Variants in RBFOX1 observed in about 807,000 individuals in gnomAD.
RBFOX1 encodes RNA binding protein fox-1 homolog 1.
RBFOX1 carries 8 observed loss-of-function variants against 57.7 expected under a neutral mutation model. That is an observed-to-expected ratio of 0.14 (90% CI 0.08 to 0.25). RBFOX1 has a LOEUF of 0.25. RBFOX1 is among the 10% of genes least tolerant of loss of function. The pLI is 1.00. For missense variants in RBFOX1, 611 were observed against 548.5 expected (o/e 1.11, Z -1.14); for synonymous variants, 326 against 222.4 (o/e 1.47, Z -4.15).
intron 3 of RBFOX1, among the ~76,000 whole-genome samples, chr16:7,029,944 G>A (rs557122176): frequency 4.6e-5 from 7 of 152,328 alleles, no homozygotes; most frequent in African/African-American, 1.7e-4. Context: ...GAATGGGGTA[G>A]ACACATGATG....
At chr16:6,657,257 A>G (rs1216762950) in intron 3 of RBFOX1, among the ~76,000 whole-genome samples, 1 of 151,336 alleles carries the variant, frequency 6.6e-6, no homozygotes, top group Non-Finnish European at 1.5e-5. Flanking sequence ...ATTCCCAGTA[A>G]TACAGTGAAT....
At chr16:7,645,775 G>C (rs563241854) in intron 11 of RBFOX1, among the ~76,000 whole-genome samples, 2 of 152,208 alleles carry the variant, frequency 1.3e-5, no homozygotes, top group Non-Finnish European at 2.9e-5. Context: ...CTAAACAGCA[G>C]TATTTAATAT....
At position 6,812,981 on chromosome 16, in the gene RBFOX1, C is replaced by T. The variant is rs1015270835; in HGVS notation, c.-16+158331C>T. ...TAAAGGAAGATGTTTAAATTCCCTA[C>T]TTCTCTCTTTTTTGTTAGATTTTTA... On this transcript the variant is annotated intron_variant, in intron 3 of 15. Transcript: ENST00000550418. 5.9e-5 allele frequency among the ~76,000 whole-genome samples: 9 copies of T among 152,194 alleles called. No individual in the cohort carries two copies. The East Asian group carries it at 1.4e-3, about 23-fold the overall frequency.
chr16:7,590,863 GAAAAAAAA>G (rs36061659), intron 7 of RBFOX1, among the ~76,000 whole-genome samples: 1,798 of 102,926 alleles, frequency 0.017, 22 homozygotes, highest in Non-Finnish European at 0.026. Flanking sequence ...CTGTCTCTAA[GAAAAAAAA>G]AAAAAAAAAA....
chr16:7,603,632 G>C (rs867637021), intron 9 of RBFOX1, among the ~76,000 whole-genome samples: 18 of 152,228 alleles, frequency 1.2e-4, no homozygotes, highest in Middle Eastern at 3.4e-3. Context: ...CAAGAAGAAG[G>C]AGAAGTGGAT....
At chr16:7,296,881 T>A (rs2095903770) in intron 4 of RBFOX1, among the ~76,000 whole-genome samples, 1 of 152,196 alleles carries the variant, frequency 6.6e-6, no homozygotes, top group South Asian at 2.1e-4. Context: ...TTGTGTCCCT[T>A]CCCTCTGCCC....
At chr16:6,189,452 G>A (rs1190148265) in intron 1 of RBFOX1, among the ~76,000 whole-genome samples, 1 of 152,198 alleles carries the variant, frequency 6.6e-6, no homozygotes, top group Non-Finnish European at 1.5e-5. Context: ...GAACTGTTGG[G>A]TTGCCGGGGC....
At chr16:7,469,844 C>A (rs1454234101) in intron 4 of RBFOX1, among the ~76,000 whole-genome samples, 1 of 152,142 alleles carries the variant, frequency 6.6e-6, no homozygotes, top group Admixed American at 6.5e-5. Context: ...TTTCATCCGT[C>A]CTGCTCGCAG....
intron 3 of RBFOX1, among the ~76,000 whole-genome samples, chr16:6,803,531 T>C (rs1260643811): frequency 6.6e-6 from 1 of 152,166 alleles, no homozygotes; most frequent in Non-Finnish European, 1.5e-5. Flanking sequence ...CCAGATTTCC[T>C]AAATGGAAAA....
intron 1 of RBFOX1, among the ~76,000 whole-genome samples, chr16:5,251,559 G>T (rs1327441012): frequency 2.6e-5 from 4 of 152,238 alleles, no homozygotes; most frequent in Non-Finnish European, 4.4e-5. Flanking sequence ...ACAGAGGAAA[G>T]AAGTGGGGCT....
chr16:6,940,276 C>T lies in RBFOX1; in HGVS notation c.-15-111781C>T, dbSNP rs186198095. 1.8e-3 allele frequency among the ~76,000 whole-genome samples: 267 copies of T among 152,294 alleles called. 2 individuals are homozygous for T. Among genetic ancestry groups the T allele is most frequent in the Admixed American group, 7.8e-3 (119 of 15,298 alleles). ...GGGGCTTGGGCATGAGTCCTTGTTG[C>T]TGCCCATATAGGAAGGGGCTGCTGT... is the stretch of plus-strand genomic sequence containing the variant. On this transcript the variant is annotated intron_variant, in intron 3 of 15. Coordinates refer to ENST00000550418, the MANE Select transcript of RBFOX1 (RefSeq NM_018723.4).
intron 4 of RBFOX1, among the ~76,000 whole-genome samples, chr16:7,113,531 T>G (rs2065233558): frequency 6.6e-6 from 1 of 152,170 alleles, no homozygotes; most frequent in African/African-American, 2.4e-5. Flanking sequence ...TTAGATGTAT[T>G]GTAACAGGAA....
intron 4 of RBFOX1, among the ~76,000 whole-genome samples, chr16:7,251,055 T>C (rs1466323147): frequency 6.6e-6 from 1 of 152,182 alleles, no homozygotes; most frequent in East Asian, 1.9e-4. Context: ...TTCAAGAACA[T>C]GATACATGTC....
rs1290847368 is a variant in RBFOX1, at chr16:5,816,198, C to G, written c.319-51105C>G. Among the ~76,000 whole-genome samples the G allele has an allele frequency of 2.0e-5, 3 of 152,168 alleles. No individual in the cohort carries two copies. The East Asian group carries it at 5.8e-4, about 29-fold the overall frequency. On this transcript the variant is annotated intron_variant, in intron 3 of 19. Transcript: ENST00000641259. Reference sequence around the variant, plus strand: ...CCTCATCCTTCATCTCTGCTACATCCTTAGGCTTGGAGGCACTGGGATTTC... The same window carrying G: ...CCTCATCCTTCATCTCTGCTACATCGTTAGGCTTGGAGGCACTGGGATTTC...
chr16:5,334,537 G>A (rs781680639), intron 1 of RBFOX1, among the ~76,000 whole-genome samples: 3 of 152,150 alleles, frequency 2.0e-5, no homozygotes, highest in Non-Finnish European at 4.4e-5. Context: ...AAAGGAAGAT[G>A]AAGAAGGAAC....
At chr16:6,555,587 C>T (rs1174719362) in intron 2 of RBFOX1, among the ~76,000 whole-genome samples, 1 of 152,024 alleles carries the variant, frequency 6.6e-6, no homozygotes, top group African/African-American at 2.4e-5. Flanking sequence ...GTAGTCCCAG[C>T]TACTCAGGAG....
intron 3 of RBFOX1, among the ~76,000 whole-genome samples, chr16:6,801,829 T>C (rs2085537409): frequency 6.6e-6 from 1 of 152,158 alleles, no homozygotes; most frequent in Admixed American, 6.5e-5. Context: ...CCTTCTAAGT[T>C]GTATGTCTAC....
intron 4 of RBFOX1, among the ~76,000 whole-genome samples, chr16:7,313,513 T>C (rs922545766): frequency 6.7e-6 from 1 of 148,664 alleles, no homozygotes; most frequent in Admixed American, 6.8e-5. Flanking sequence ...GTTCAAAAAA[T>C]GAGGCTCTTT....
At chr16:7,313,455 C>CT (rs1007212490) in intron 4 of RBFOX1, among the ~76,000 whole-genome samples, 15 of 124,306 alleles carry the variant, frequency 1.2e-4, no homozygotes, top group East Asian at 1.2e-3. Context: ...TCTTTTTTAT[C>CT]TTTTTTTTTC....
Sources: gnomAD v4.1 joint callset for allele counts (sites outside exome capture counted in the v4.1 genomes callset) on GRCh38, gnomAD v4.1.1 for gene constraint, MANE v1.5 for transcripts, NCBI Gene and HGNC (gene_info 2026-07-23, HGNC 2026-07-21) for gene names.